Variants in DENND1A observed in about 807,000 individuals in gnomAD.
The protein encoded by DENND1A is DENN domain containing 1A.
DENND1A carries 51 observed loss-of-function variants against 113.7 expected under a neutral mutation model. The ratio of observed to expected loss-of-function variants is 0.45; its 90% CI spans 0.36 to 0.57. DENND1A has a LOEUF of 0.57. Among genes scored for constraint, DENND1A ranks in the 20% least tolerant of loss-of-function variants. The pLI is 0.00. For missense variants in DENND1A, 1,258 were observed against 1,395.9 expected, an observed-to-expected ratio of 0.90 and a Z score of 1.57; for synonymous variants, 565 against 570.8, an observed-to-expected ratio of 0.99 and a Z score of 0.14.
At chr9:123,503,345 T>C (rs1200637677) in intron 13 of DENND1A, among the ~76,000 whole-genome samples, 1 of 152,144 alleles carries the variant, frequency 6.6e-6, no homozygotes, top group African/African-American at 2.4e-5. Context: ...TATTTAAGAG[T>C]ACTTCGCACA....
At chr9:123,740,542 T>C (rs1264107160) in intron 5 of DENND1A, among the ~76,000 whole-genome samples, 1 of 152,138 alleles carries the variant, frequency 6.6e-6, no homozygotes, top group Non-Finnish European at 1.5e-5. Flanking sequence ...ATTATTCCCT[T>C]TGATAGAGAG....
chr9:123,839,145 A>G (rs933466491), intron 2 of DENND1A, among the ~76,000 whole-genome samples: 8 of 152,308 alleles, frequency 5.3e-5, no homozygotes, highest in African/African-American at 1.7e-4. Context: ...GCCAAGCTTG[A>G]AAGATCATAT....
chr9:123,412,552 C>G (rs1268989889), intron 19 of DENND1A, among the ~76,000 whole-genome samples: 1 of 152,218 alleles, frequency 6.6e-6, no homozygotes, highest in Non-Finnish European at 1.5e-5. Flanking sequence ...CAACAAGCGT[C>G]TGATGAACAA....
chr9:123,774,662 TAC>T (rs1219433538), intron 3 of DENND1A, among the ~76,000 whole-genome samples: 9 of 152,198 alleles, frequency 5.9e-5, no homozygotes, highest in African/African-American at 2.2e-4. Context: ...GCTCAAATGC[TAC>T]AGAGTCTGCT....
intron 5 of DENND1A, among the ~76,000 whole-genome samples, chr9:123,682,770 A>T (rs1049571670): frequency 1.3e-5 from 2 of 152,148 alleles, no homozygotes; most frequent in African/African-American, 2.4e-5. Flanking sequence ...CTGCTAATGT[A>T]CCTGATGGAC....
At chr9:123,681,168 G>A (rs2064426166) in intron 5 of DENND1A, among the ~76,000 whole-genome samples, 2 of 152,196 alleles carry the variant, frequency 1.3e-5, no homozygotes, top group Non-Finnish European at 1.5e-5. Context: ...GGCAAGGAGG[G>A]GTTAGACCTG....
chr9:123,735,361 G>A (rs2068485705), intron 5 of DENND1A, among the ~76,000 whole-genome samples: 1 of 152,146 alleles, frequency 6.6e-6, no homozygotes, highest in South Asian at 2.1e-4. Flanking sequence ...TGTCAAAGAT[G>A]ACAAAAATAA....
chr9:123,532,978 T>C (rs777925922), intron 13 of DENND1A, among the ~76,000 whole-genome samples: 12 of 152,122 alleles, frequency 7.9e-5, no homozygotes, highest in Non-Finnish European at 1.5e-4. Context: ...TCACCAGGAG[T>C]TGGCACTCAC....
At chr9:123,754,763 A>C (rs1044376239) in intron 5 of DENND1A, among the ~76,000 whole-genome samples, 1 of 152,224 alleles carries the variant, frequency 6.6e-6, no homozygotes, top group African/African-American at 2.4e-5. Context: ...GCCATTTTTC[A>C]TTCTAAAGGA....
At chr9:123,871,885 C>T (rs990109314) in intron 2 of DENND1A, among the ~76,000 whole-genome samples, 1 of 152,170 alleles carries the variant, frequency 6.6e-6, no homozygotes, top group Non-Finnish European at 1.5e-5. Context: ...TAAGCATCTG[C>T]CCAAGAAGAG....
chr9:123,724,511 A>G (rs1331253905), intron 5 of DENND1A, among the ~76,000 whole-genome samples: 1 of 122,956 alleles, frequency 8.1e-6, no homozygotes, highest in African/African-American at 4.6e-5. Context: ...ACAGAGAAGC[A>G]TAAAATTAAA....
chr9:123,674,841 CTTTTTTTT>C (rs11327678), intron 6 of DENND1A, among the ~76,000 whole-genome samples: 2 of 132,346 alleles, frequency 1.5e-5, no homozygotes, highest in African/African-American at 2.9e-5. Flanking sequence ...GTTTTTTTCT[CTTTTTTTT>C]TTTTTTTTGG....
rs753306222 is a variant in DENND1A at position 123,652,036 on chromosome 9, T to C, written c.595A>G (p.Ile199Val). The part of the protein sequence containing the change: ...ASMLYERRIL[I>V]ICSKLSTLTA... ...ACAGTGCTGAGTTTGCTGCAAATGA[T>C]GAGTATCCGGCGTTCGTACAGCATA... Residue 199 changes from isoleucine to valine, a missense_variant, in exon 9 of 24, where the codon ATC becomes GTC. Physicochemically the swap from Ile to Val is conservative, Grantham distance 29. Around this residue, in one of 2 missense-constraint regions of DENND1A, gnomAD observed 1,159 missense variants for 1,231.7 expected, o/e 0.94. Transcript: ENST00000394215. The C allele has an allele frequency of 1.2e-6, 2 of 1,614,028 alleles. No homozygotes were observed. The highest frequency in any genetic ancestry group is 1.7e-6 in the Non-Finnish European group (2 of 1,179,896).
At chr9:123,548,527 G>A (rs533882980) in intron 13 of DENND1A, among the ~76,000 whole-genome samples, 2 of 152,248 alleles carry the variant, frequency 1.3e-5, no homozygotes, top group East Asian at 1.9e-4. Flanking sequence ...AAAGTTAAAC[G>A]TAGAATTACC....
intron 8 of DENND1A, among the ~76,000 whole-genome samples, chr9:123,660,020 T>G (rs894208458): frequency 6.6e-6 from 1 of 152,148 alleles, no homozygotes; most frequent in Non-Finnish European, 1.5e-5. Flanking sequence ...AAAAAACATT[T>G]CTTTTCTTTT....
rs1017159558 is a variant in DENND1A at position 123,494,691 on chromosome 9, G to C, written c.994-36794C>G. 8.5e-5 allele frequency among the ~76,000 whole-genome samples: 13 copies of C among 152,132 alleles called. No homozygotes were observed. The South Asian group carries it at 1.7e-3, about 19-fold the overall frequency. ...TATGCACAAGTGCCTACTCTGCCTA[G>C]AAGCCTTACCCCACCTTCTAACTAT... On this transcript the variant is annotated intron_variant, in intron 13 of 23. Coordinates refer to ENST00000394215, the MANE Select transcript of DENND1A (RefSeq NM_001352964.2).
At chr9:123,492,369 G>C (rs553087065) in intron 13 of DENND1A, among the ~76,000 whole-genome samples, 2 of 152,364 alleles carry the variant, frequency 1.3e-5, no homozygotes, top group African/African-American at 4.8e-5. Context: ...TTGACAGCCT[G>C]GCTGGGCAGA....
intron 13 of DENND1A, among the ~76,000 whole-genome samples, chr9:123,552,745 G>A (rs574820258): frequency 2.0e-5 from 3 of 152,222 alleles, no homozygotes; most frequent in South Asian, 4.1e-4. Context: ...CCTGGCACCC[G>A]CCTCAGGGGC....
chr9:123,673,183 A>G (rs77701734), intron 6 of DENND1A, among the ~76,000 whole-genome samples: 8,327 of 152,324 alleles, frequency 0.055, 322 homozygotes, highest in Non-Finnish European at 0.08. Flanking sequence ...ATATCTCTAC[A>G]GTAACATTAT....
Sources: gnomAD v4.1 joint callset for allele counts (sites outside exome capture counted in the v4.1 genomes callset) on GRCh38, gnomAD v4.1.1 for gene constraint, gnomAD v4.1.1 regional missense constraint, MANE v1.5 for transcripts, NCBI Gene and HGNC (gene_info 2026-07-23, HGNC 2026-07-21) for gene names.